Variants in ATP10B observed in about 807,000 individuals in gnomAD.
The protein encoded by ATP10B is phospholipid-transporting ATPase VB.
A neutral mutation model predicts 141.2 loss-of-function variants in ATP10B; 122 were observed. The ratio of observed to expected loss-of-function variants is 0.86; its 90% CI spans 0.75 to 1.00. ATP10B has a LOEUF of 1.00. Ranked by LOEUF, ATP10B falls within the 50% of genes least tolerant of loss-of-function variation. ATP10B has a pLI of 0.00. For missense variants in ATP10B, 1,876 were observed against 1,825.3 expected, an observed-to-expected ratio of 1.03 and a Z score of -0.51; for synonymous variants, 685 against 692.0, an observed-to-expected ratio of 0.99 and a Z score of 0.16.
chr5:160,900,831 A>T, the ATP10B span, among the ~76,000 whole-genome samples: 3 of 151,184 alleles, frequency 2.0e-5, no homozygotes, highest in Non-Finnish European at 4.4e-5. Flanking sequence ...TTTGTGATGA[A>T]CACATATTAC....
At chr5:160,773,947 G>A (rs919608797) in intron 2 of ATP10B, among the ~76,000 whole-genome samples, 4 of 152,062 alleles carry the variant, frequency 2.6e-5, no homozygotes, top group African/African-American at 9.7e-5. Flanking sequence ...AAAGCTCATG[G>A]GTCATTTGCC....
rs567859700 is a variant in ATP10B, at chr5:160,663,188, G to T, written c.675+7275C>A. 9.2e-5 allele frequency among the ~76,000 whole-genome samples: 14 copies of T among 152,270 alleles called. No individual in the cohort carries two copies. The South Asian group carries it at 2.9e-3, about 32-fold the overall frequency. The stretch of plus-strand genomic sequence containing the variant: ...AAATAGGAACACTTTTACACTGTTG[G>T]TGGGACTGTAAACTAGTTCAACCAT... On this transcript the variant is annotated intron_variant, in intron 7 of 25. Coordinates refer to ENST00000327245, the MANE Select transcript of ATP10B (RefSeq NM_025153.3).
intron 18 of ATP10B, among the ~76,000 whole-genome samples, chr5:160,609,040 T>C (rs1455442537): frequency 2.0e-4 from 30 of 152,234 alleles, no homozygotes; most frequent in Admixed American, 1.8e-3. Context: ...GTCTAGGTTT[T>C]CTTCTAGGGT....
chr5:160,756,750 T>C (rs1014447330), intron 2 of ATP10B, among the ~76,000 whole-genome samples: 1 of 152,152 alleles, frequency 6.6e-6, no homozygotes, highest in Non-Finnish European at 1.5e-5. Context: ...GTATCTAGGA[T>C]GTTTTGATAC....
At chr5:160,703,412 C>G (rs1438577476) in intron 3 of ATP10B, among the ~76,000 whole-genome samples, 1 of 151,836 alleles carries the variant, frequency 6.6e-6, no homozygotes, top group African/African-American at 2.4e-5. Context: ...TAAATGTCAG[C>G]CATCATCTGA....
chr5:160,731,008 T>A (rs773975419), intron 2 of ATP10B, among the ~76,000 whole-genome samples: 38 of 152,270 alleles, frequency 2.5e-4, no homozygotes, highest in Admixed American at 5.2e-4. Context: ...CCCATTAACC[T>A]TCCCATAATG....
the ATP10B span, among the ~76,000 whole-genome samples, chr5:160,880,146 TAATA>T: frequency 3.9e-4 from 57 of 147,552 alleles, 1 homozygote; most frequent in South Asian, 6.3e-3. Flanking sequence ...ATAGATTACA[TAATA>T]TATATAAAAT....
chr5:160,857,067 T>C (rs999806399), upstream of ATP10B, among the ~76,000 whole-genome samples: 1 of 151,818 alleles, frequency 6.6e-6, no homozygotes, highest in Non-Finnish European at 1.5e-5. Context: ...TAATACCAGC[T>C]TCATAAAACA....
chr5:160,739,142 A>G (rs993592873), intron 2 of ATP10B, among the ~76,000 whole-genome samples: 1 of 152,244 alleles, frequency 6.6e-6, no homozygotes, highest in African/African-American at 2.4e-5. Context: ...TCCAACTTCC[A>G]TTTATGGTAA....
chr5:160,566,075 A>C (rs1754520662), intron 25 of ATP10B, among the ~76,000 whole-genome samples, 175 bp from the exon 26 acceptor site: 1 of 152,164 alleles, frequency 6.6e-6, no homozygotes, highest in Non-Finnish European at 1.5e-5. Flanking sequence ...CAAAAATAAC[A>C]ACAAAACATA....
At chr5:160,928,207 A>G in the ATP10B span, among the ~76,000 whole-genome samples, 1 of 152,176 alleles carries the variant, frequency 6.6e-6, no homozygotes, top group Non-Finnish European at 1.5e-5. Flanking sequence ...TAGAGCTTCA[A>G]GAATTAGCTT....
chr5:160,740,177 G>T (rs781082767), intron 2 of ATP10B, among the ~76,000 whole-genome samples: 4 of 152,172 alleles, frequency 2.6e-5, no homozygotes, highest in Non-Finnish European at 4.4e-5. Flanking sequence ...AGGCAATCCA[G>T]TTTTAACTAT....
chr5:160,872,801 G>A, the ATP10B span, among the ~76,000 whole-genome samples: 9 of 152,152 alleles, frequency 5.9e-5, no homozygotes, highest in Admixed American at 5.9e-4. Flanking sequence ...TTTGATATCA[G>A]GTAATGTGAT....
intron 2 of ATP10B, among the ~76,000 whole-genome samples, chr5:160,733,597 C>G (rs774528593): frequency 6.6e-6 from 1 of 151,152 alleles, no homozygotes; most frequent in Non-Finnish European, 1.5e-5. Context: ...TACATATATA[C>G]GTTACATATA....
intron 24 of ATP10B, 58 bp downstream of exon 24, chr5:160,589,534 A>G: frequency 1.5e-6 from 2 of 1,302,090 alleles, no homozygotes; most frequent in Non-Finnish European, 2.2e-6. Flanking sequence ...CAGAAATTTG[A>G]GTATAGTCAA....
intron 2 of ATP10B, among the ~76,000 whole-genome samples, chr5:160,759,794 A>G (rs1768894980): frequency 6.6e-6 from 1 of 152,214 alleles, no homozygotes; most frequent in African/African-American, 2.4e-5. Flanking sequence ...CTTTTCGGAA[A>G]CATCTTCCTC....
At chr5:160,907,625 C>T in the ATP10B span, among the ~76,000 whole-genome samples, 1 of 152,120 alleles carries the variant, frequency 6.6e-6, no homozygotes, top group Non-Finnish European at 1.5e-5. Flanking sequence ...CCTCCCAAAA[C>T]ATTGGGATTA....
chr5:160,585,698 C>G (rs1229800319), intron 24 of ATP10B, among the ~76,000 whole-genome samples: 1 of 152,088 alleles, frequency 6.6e-6, no homozygotes, highest in Non-Finnish European at 1.5e-5. Flanking sequence ...AATTTTAGAC[C>G]CAGCAGTAGA....
chr5:160,648,440 G>C (rs1233762799), intron 8 of ATP10B, among the ~76,000 whole-genome samples: 1 of 152,180 alleles, frequency 6.6e-6, no homozygotes, highest in Non-Finnish European at 1.5e-5. Context: ...CACCCCTGTA[G>C]AAAAGCATCG....
Sources: gnomAD v4.1 joint callset for allele counts (sites outside exome capture counted in the v4.1 genomes callset) on GRCh38, gnomAD v4.1.1 for gene constraint, MANE v1.5 for transcripts, NCBI Gene and HGNC (gene_info 2026-07-23, HGNC 2026-07-21) for gene names.